The following ADAMTS12 variants were observed in gnomAD, a reference collection of about 807,000 sequenced individuals.
ADAMTS12 encodes the protein A disintegrin and metalloproteinase with thrombospondin motifs 12.
A neutral mutation model predicts 167.8 loss-of-function variants in ADAMTS12; 118 were observed. The ratio of observed to expected loss-of-function variants is 0.70; its 90% CI spans 0.61 to 0.82. The LOEUF (loss-of-function observed/expected upper bound fraction) is 0.82. ADAMTS12 is among the 40% of genes least tolerant of loss of function. The pLI is 0.00. For missense variants in ADAMTS12, 1,916 were observed against 1,998.8 expected (o/e 0.96, Z 0.79); for synonymous variants, 704 against 716.9 (o/e 0.98, Z 0.29).
intron 3 of ADAMTS12, among the ~76,000 whole-genome samples, chr5:33,750,405 C>T (rs1234597104): frequency 6.6e-6 from 1 of 152,176 alleles, no homozygotes; most frequent in East Asian, 1.9e-4. Flanking sequence ...TGGGTGAAGT[C>T]TGTAGAGAAG....
At chr5:33,539,103 G>C (rs2111774731) in intron 22 of ADAMTS12, among the ~76,000 whole-genome samples, 1 of 152,142 alleles carries the variant, frequency 6.6e-6, no homozygotes, top group East Asian at 1.9e-4. Context: ...CACCATGCCT[G>C]ACTAATTTTT....
At chr5:33,862,626 T>C (rs1019054967) in intron 2 of ADAMTS12, among the ~76,000 whole-genome samples, 4 of 152,176 alleles carry the variant, frequency 2.6e-5, no homozygotes, top group African/African-American at 9.7e-5. Flanking sequence ...AAAGAGGAGC[T>C]GGTAGCACAT....
At chr5:33,639,707 A>C (rs1270257780) in intron 11 of ADAMTS12, among the ~76,000 whole-genome samples, 2 of 152,216 alleles carry the variant, frequency 1.3e-5, no homozygotes, top group South Asian at 2.1e-4. Context: ...ACACTGCCTG[A>C]CCACAAAATC....
At chr5:33,866,605 T>C (rs1048952869) in intron 2 of ADAMTS12, among the ~76,000 whole-genome samples, 2 of 152,112 alleles carry the variant, frequency 1.3e-5, no homozygotes, top group Non-Finnish European at 2.9e-5. Context: ...TAGGATCTAA[T>C]TAAATTAAAT....
At chr5:33,795,652 A>G (rs912595820) in intron 2 of ADAMTS12, among the ~76,000 whole-genome samples, 1 of 152,140 alleles carries the variant, frequency 6.6e-6, no homozygotes, top group African/African-American at 2.4e-5. Flanking sequence ...TATACTCCCA[A>G]TGTGGAGGAA....
intron 20 of ADAMTS12, among the ~76,000 whole-genome samples, chr5:33,552,265 A>C (rs1394454721): frequency 6.6e-6 from 1 of 152,222 alleles, no homozygotes; most frequent in Non-Finnish European, 1.5e-5. Context: ...AGTATAGCAC[A>C]ACTAACAAAC....
chr5:33,606,487 C>G (rs572909557), intron 16 of ADAMTS12, among the ~76,000 whole-genome samples: 9 of 152,284 alleles, frequency 5.9e-5, no homozygotes, highest in Non-Finnish European at 1.2e-4. Context: ...TGTGAAGAAA[C>G]TGTAAGGATG....
chr5:33,696,154 G>GCT (rs1185627792), intron 3 of ADAMTS12, among the ~76,000 whole-genome samples: 1 of 152,150 alleles, frequency 6.6e-6, no homozygotes, highest in African/African-American at 2.4e-5. Flanking sequence ...GGGCGTCGTG[G>GCT]CTCATGCCTG....
chr5:33,700,310 G>A (rs1742953729), intron 3 of ADAMTS12, among the ~76,000 whole-genome samples: 1 of 152,150 alleles, frequency 6.6e-6, no homozygotes, highest in African/African-American at 2.4e-5. Context: ...ACCAGTGAAG[G>A]ATACATTCGT....
At chr5:33,708,799 G>T (rs961918123) in intron 3 of ADAMTS12, among the ~76,000 whole-genome samples, 2 of 151,962 alleles carry the variant, frequency 1.3e-5, no homozygotes, top group African/African-American at 4.8e-5. Flanking sequence ...CCTATCAGGG[G>T]GTAGGGGACA....
rs536239585 is a variant in ADAMTS12 at position 33,778,776 on chromosome 5, A to C, written c.490-27228T>G. ...AAAATATTTGCAAATCAGATATCCG[A>C]TAAGGGGTAAATATCCAAAATACAT... On this transcript the variant is annotated intron_variant, in intron 2 of 23. Transcript: ENST00000504830. Among the ~76,000 whole-genome samples the C allele has an allele frequency of 8.5e-5, 13 of 152,322 alleles. No individual in the cohort carries two copies. The South Asian group carries it at 2.5e-3, about 29-fold the overall frequency.
intron 16 of ADAMTS12, among the ~76,000 whole-genome samples, chr5:33,609,158 C>G (rs1468020409): frequency 6.6e-6 from 1 of 151,966 alleles, no homozygotes; most frequent in South Asian, 2.1e-4. Context: ...ATTGATTATT[C>G]CTAAGGAAAC....
intron 9 of ADAMTS12, among the ~76,000 whole-genome samples, chr5:33,646,774 A>G (rs1230826258): frequency 6.6e-6 from 1 of 152,186 alleles, no homozygotes; most frequent in East Asian, 1.9e-4. Context: ...ATGCACATAG[A>G]CTCTGAACAC....
Position 33,561,067 on chromosome 5 carries a change from A to AGGT in ADAMTS12, c.4082_4084dup (p.His1361dup). 6.2e-7 allele frequency: 1 copy of AGGT among 1,614,178 alleles called. No individual in the cohort carries two copies. Among genetic ancestry groups the AGGT allele is most frequent in the Non-Finnish European group, 8.5e-7 (1 of 1,180,020 alleles). ...CACTTTCCAGCCAGCACAGGGACGG[A>AGGT]GGTGGCATCTTTTTGCAGGGTCAGG... On this transcript the variant is annotated inframe_insertion, in exon 20 of 24. Transcript: ENST00000504830.
At chr5:33,771,669 G>A (rs1745740797) in intron 2 of ADAMTS12, among the ~76,000 whole-genome samples, 1 of 152,092 alleles carries the variant, frequency 6.6e-6, no homozygotes, top group Admixed American at 6.6e-5. Context: ...ATACACTCAT[G>A]TCACTGAATT....
At chr5:33,880,700 T>A (rs575438138) in intron 2 of ADAMTS12, among the ~76,000 whole-genome samples, 2 of 152,382 alleles carry the variant, frequency 1.3e-5, no homozygotes, top group East Asian at 3.9e-4. Flanking sequence ...CAGAGTCAAC[T>A]ATTATATCAC....
At chr5:33,616,501 C>G (rs13355994) in intron 14 of ADAMTS12, among the ~76,000 whole-genome samples, 8,679 of 152,218 alleles carry the variant, frequency 0.057, 659 homozygotes, top group East Asian at 0.28. Flanking sequence ...TCCTCACCCC[C>G]CTTGCCAGCA....
At chr5:33,567,270 A>T (rs1746061530) in intron 19 of ADAMTS12, among the ~76,000 whole-genome samples, 2 of 152,286 alleles carry the variant, frequency 1.3e-5, no homozygotes, top group South Asian at 4.1e-4. Flanking sequence ...TCTTATTCTC[A>T]TGGCCTACAG....
In ADAMTS12 at chr5:33,576,034, A is replaced by AG. The variant is rs1746688939; in HGVS notation, c.3972+19dup. The AG allele has an allele frequency of 6.3e-7, 1 of 1,594,026 alleles. No individual in the cohort carries two copies. The highest frequency in any genetic ancestry group is 8.5e-7 in the Non-Finnish European group (1 of 1,169,620). On this transcript the variant is annotated intron_variant, in intron 19 of 23. Coordinates refer to ENST00000504830, the MANE Select transcript of ADAMTS12 (RefSeq NM_030955.4). ...GCTTTTTTCCATGTAAAACCAGGCC[A>AG]GGGGTAGGAAATGTCTTACCTCGCT...
Sources: allele counts gnomAD v4.1 joint callset (sites outside exome capture counted in the v4.1 genomes callset), GRCh38; gene constraint gnomAD v4.1.1; transcripts MANE v1.5; gene names NCBI Gene and HGNC (gene_info 2026-07-23, HGNC 2026-07-21).